LMF1: variants seen among roughly 807,000 people sequenced by gnomAD.
The protein encoded by LMF1 is lipase maturation factor 1.
Under a neutral mutation model 60.6 loss-of-function variants are expected in LMF1, and 68 were observed. That is an observed-to-expected ratio of 1.12 (90% confidence interval 0.92 to 1.37). The LOEUF (loss-of-function observed/expected upper bound fraction) is 1.37, where lower values mean the gene tolerates loss of function less well. Among genes scored for constraint, LMF1 ranks in the 40% most tolerant of loss-of-function variants. LMF1 has a pLI of 0.00. For synonymous variants in LMF1, 418 were observed against 324.7 expected (o/e 1.29, Z -3.09); for missense variants, 948 against 767.2 (o/e 1.24, Z -2.78).
intron 3 of LMF1, chr16:931,763 G>A (rs1463344039): frequency 7.8e-6 from 10 of 1,287,144 alleles, no homozygotes; most frequent in Non-Finnish European, 1.0e-5. Flanking sequence ...CTGAATTTCT[G>A]CGCGACAGTC....
At chr16:963,566 T>A (rs2072861038) in intron 1 of LMF1, among the ~76,000 whole-genome samples, 1 of 151,968 alleles carries the variant, frequency 6.6e-6, no homozygotes, top group African/African-American at 2.4e-5. Flanking sequence ...TGTATGCAGG[T>A]GGGAGAAACA....
intron 2 of LMF1, among the ~76,000 whole-genome samples, chr16:948,770 C>T (rs1212168608): frequency 7.2e-6 from 1 of 138,712 alleles, no homozygotes; most frequent in Non-Finnish European, 1.6e-5. Flanking sequence ...ACGACAGAGT[C>T]AGCCAACGAC....
At chr16:981,211 T>C (rs1171248441) in exon 1 of LMF1, 4 of 454,950 alleles carry the variant, frequency 8.8e-6, no homozygotes, top group Admixed American at 4.7e-5. Flanking sequence ...GAACCGACCC[T>C]GTCCTGGACC....
chr16:981,169 C>G (rs1050397527), exon 1 of LMF1: 2 of 454,378 alleles, frequency 4.4e-6, no homozygotes, highest in South Asian at 1.6e-5. Flanking sequence ...TCCGCAGACT[C>G]TGGACGAGCT....
At chr16:854,912 A>C (rs2069146533) in intron 10 of LMF1, 1 of 610,872 alleles carries the variant, frequency 1.6e-6, no homozygotes. Flanking sequence ...AGCAGTGAAC[A>C]GCGCAGCAAG....
intron 5 of LMF1, among the ~76,000 whole-genome samples, chr16:880,079 C>G (rs17146005): frequency 2.6e-5 from 4 of 152,194 alleles, no homozygotes; most frequent in Non-Finnish European, 4.4e-5. Context: ...TCGGAGAACG[C>G]GCCGCCTGCT....
Position 879,553 on chromosome 16 carries a change from G to A in LMF1, c.897+17C>T, listed in dbSNP as rs752934293. On this transcript the variant is annotated intron_variant, in intron 6 of 10. Transcript: ENST00000262301. The stretch of plus-strand genomic sequence containing the variant: ...CGTCTCTGTGGACACGGGGCAGGGC[G>A]GGCGGCGCGGGCTCACCTGGAACAG... The A allele has an allele frequency of 6.1e-5, 98 of 1,610,812 alleles. No homozygotes were observed. Among genetic ancestry groups the A allele is most frequent in the Non-Finnish European group, 7.3e-5 (86 of 1,178,806 alleles).
At chr16:924,233 C>G (rs183684583) in intron 3 of LMF1, among the ~76,000 whole-genome samples, 1 of 152,102 alleles carries the variant, frequency 6.6e-6, no homozygotes, top group Non-Finnish European at 1.5e-5. Flanking sequence ...CCGTGGTATG[C>G]GAAGAATAAC....
intron 3 of LMF1, among the ~76,000 whole-genome samples, chr16:924,232 G>A (rs567012651): frequency 6.6e-6 from 1 of 152,314 alleles, no homozygotes; most frequent in South Asian, 2.1e-4. Context: ...ACCGTGGTAT[G>A]CGAAGAATAA....
chr16:860,232 G>C (rs369430810), intron 10 of LMF1, among the ~76,000 whole-genome samples: 1 of 151,932 alleles, frequency 6.6e-6, no homozygotes, highest in African/African-American at 2.4e-5. Context: ...TGGAGCAAAT[G>C]CTTTTAATTT....
At chr16:898,190 G>A in intron 4 of LMF1, among the ~76,000 whole-genome samples, 1 of 152,240 alleles carries the variant, frequency 6.6e-6, no homozygotes, top group East Asian at 1.9e-4. Flanking sequence ...CATCGACACT[G>A]GCTGGGCTCT....
chr16:931,407 C>T (rs2071780603), intron 3 of LMF1, among the ~76,000 whole-genome samples: 1 of 152,252 alleles, frequency 6.6e-6, no homozygotes, highest in Non-Finnish European at 1.5e-5. Flanking sequence ...CCCTGAACCA[C>T]CTGATCTCCA....
At chr16:923,255 G>C (rs1042026348) in intron 3 of LMF1, among the ~76,000 whole-genome samples, 1 of 152,228 alleles carries the variant, frequency 6.6e-6, no homozygotes, top group African/African-American at 2.4e-5. Context: ...GTGTGGGGCG[G>C]ATGTGGCAGC....
chr16:857,041 C>A (rs150480915), intron 10 of LMF1, among the ~76,000 whole-genome samples: 1 of 152,256 alleles, frequency 6.6e-6, no homozygotes, highest in Non-Finnish European at 1.5e-5. Flanking sequence ...CACGTACCCG[C>A]GGGGCAGGCG....
At chr16:860,704 T>TG (rs1468237900) in intron 10 of LMF1, among the ~76,000 whole-genome samples, 1 of 152,122 alleles carries the variant, frequency 6.6e-6, no homozygotes, top group Non-Finnish European at 1.5e-5. Flanking sequence ...TATTTTTGTG[T>TG]GGGGTGAGAC....
intron 8 of LMF1, 91 bp downstream of exon 8, chr16:870,638 G>A: frequency 6.9e-7 from 1 of 1,445,320 alleles, no homozygotes; most frequent in South Asian, 1.2e-5. Flanking sequence ...GGTCATGGGG[G>A]CCTGCACTGT....
Position 919,703 on chromosome 16 carries a change from G to A in LMF1, c.515-8624C>T, listed in dbSNP as rs2151765035. On this transcript the variant is annotated intron_variant, in intron 3 of 10. Transcript: ENST00000262301. ...GCCCACGTCCTGGAGGTCTTGGGGA[G>A]AAAGACAGGAAGTGTTTTCCTAGAA... is the stretch of plus-strand genomic sequence containing the variant. Among the ~76,000 whole-genome samples the A allele has an allele frequency of 1.3e-5, 2 of 152,272 alleles. 1 individual carries two copies. Among genetic ancestry groups the A allele is most frequent in the South Asian group, 4.1e-4 (2 of 4,828 alleles).
At position 871,265 on chromosome 16, in the gene LMF1, T is replaced by A; in HGVS notation, c.974A>T (p.Asp325Val). The A allele has an allele frequency of 2.5e-6, 4 of 1,612,498 alleles. No homozygotes were observed. The highest frequency in any genetic ancestry group is 3.4e-6 in the Non-Finnish European group (4 of 1,179,794). The change falls in exon 7 of 11, where the codon GAC becomes GTC. Residue 325 changes from aspartate (D) to valine (V), a missense_variant. Asp to Val is a radical substitution (Grantham distance 152, BLOSUM62 -3). Coordinates refer to ENST00000262301, the MANE Select transcript of LMF1 (RefSeq NM_022773.4). ...GGGGAACAAGAATCCCAGGGTGGCG[T>A]CATCAAAGCAGGCCAGGCTGGGCAC... is the stretch of plus-strand genomic sequence containing the variant. ...TMVPSLACFD[D>V]ATLGFLFPSG...
At chr16:927,654 G>T (rs993505960) in intron 3 of LMF1, among the ~76,000 whole-genome samples, 2 of 152,188 alleles carry the variant, frequency 1.3e-5, no homozygotes, top group Non-Finnish European at 2.9e-5. Context: ...GGGCTGCTTG[G>T]TGGAGCCTGG....
Sources: allele counts gnomAD v4.1 joint callset (sites outside exome capture counted in the v4.1 genomes callset), GRCh38; gene constraint gnomAD v4.1.1; transcripts MANE v1.5; gene names NCBI Gene and HGNC (gene_info 2026-07-23, HGNC 2026-07-21).